Variants in LRRC69 observed in about 807,000 individuals in gnomAD.
The protein encoded by LRRC69 is leucine-rich repeat-containing protein 69.
LRRC69 carries 42 observed loss-of-function variants against 37.8 expected under a neutral mutation model. The ratio of observed to expected loss-of-function variants is 1.11; its 90% CI spans 0.87 to 1.44. LRRC69 has a LOEUF of 1.44. Ranked by LOEUF, LRRC69 falls within the 40% of genes most tolerant of loss-of-function variation. LRRC69 has a pLI of 0.00. For synonymous variants in LRRC69, 141 were observed against 143.1 expected (o/e 0.99, Z 0.11); for missense variants, 357 against 401.9 (o/e 0.89, Z 0.96).
chr8:91,103,874 T>G (rs1429251923), intron 1 of LRRC69, among the ~76,000 whole-genome samples: 1 of 152,012 alleles, frequency 6.6e-6, no homozygotes, highest in Non-Finnish European at 1.5e-5. Context: ...GACTGAGTCA[T>G]GAACCTATTC....
chr8:91,218,856 T>C, intron 7 of LRRC69, 34 bp from the exon 8 acceptor site: 1 of 1,333,234 alleles, frequency 7.5e-7, no homozygotes, highest in Non-Finnish European at 1.0e-6. Flanking sequence ...TATTGAACAC[T>C]GCCTAAATTT....
chr8:91,216,035 A>C (rs1276223634), intron 7 of LRRC69, among the ~76,000 whole-genome samples: 1 of 152,182 alleles, frequency 6.6e-6, no homozygotes, highest in Non-Finnish European at 1.5e-5. Flanking sequence ...AATTATGCTG[A>C]GTTGTTTTTC....
chr8:91,115,955 T>A (rs976866137), intron 1 of LRRC69, among the ~76,000 whole-genome samples: 1 of 152,020 alleles, frequency 6.6e-6, no homozygotes, highest in African/African-American at 2.4e-5. Context: ...AACATACATG[T>A]CTCTTCACCG....
At chr8:91,214,265 G>T (rs1809995802) in intron 7 of LRRC69, among the ~76,000 whole-genome samples, 1 of 152,166 alleles carries the variant, frequency 6.6e-6, no homozygotes, top group Non-Finnish European at 1.5e-5. Context: ...AAGGGAGCTG[G>T]TTTGGGAGGC....
At chr8:91,153,089 A>C (rs1808769813) in intron 5 of LRRC69, among the ~76,000 whole-genome samples, 1 of 151,446 alleles carries the variant, frequency 6.6e-6, no homozygotes, top group African/African-American at 2.4e-5. Flanking sequence ...AGTTTCTAAC[A>C]AACAGACTTT....
At chr8:91,137,559 C>T (rs375221106) in intron 5 of LRRC69, among the ~76,000 whole-genome samples, 12 of 152,008 alleles carry the variant, frequency 7.9e-5, no homozygotes, top group African/African-American at 2.2e-4. Flanking sequence ...GTTAATTGAC[C>T]GTTTCTTCTA....
At chr8:91,127,321 G>A (rs1014691850) in intron 3 of LRRC69, among the ~76,000 whole-genome samples, 161 bp downstream of exon 3, 17 of 151,908 alleles carry the variant, frequency 1.1e-4, no homozygotes, top group Admixed American at 1.1e-3. Context: ...TTAAGCAGAT[G>A]ATTCCTTAAA....
intron 5 of LRRC69, among the ~76,000 whole-genome samples, chr8:91,159,555 A>G (rs1397938830): frequency 6.6e-6 from 1 of 151,274 alleles, no homozygotes. Flanking sequence ...CTCTAGCTGA[A>G]AGAGCAAGAG....
chr8:91,158,731 A>G lies in LRRC69; in HGVS notation c.651+22992A>G, dbSNP rs190971280. The stretch of plus-strand genomic sequence containing the variant: ...GAAACCACTTACATTGTTCTACAAA[A>G]TGAAGACACCAAGTCTGGCTGAATG... On this transcript the variant is annotated intron_variant, in intron 5 of 7. Coordinates refer to ENST00000448384, the Ensembl canonical transcript of LRRC69. The G allele has an allele frequency of 1.0e-3, 1,014 of 981,284 alleles. 8 individuals are homozygous for G. The highest frequency in any genetic ancestry group is 1.2e-3 in the Non-Finnish European group (748 of 605,630). 60.8% of individuals were successfully genotyped at this position (981,284 alleles called of 1,614,324 possible). A position where few individuals can be genotyped will look rare whatever the true frequency, so the allele number is the denominator to read the frequency against.
At chr8:91,186,564 G>C (rs963051051) in intron 5 of LRRC69, among the ~76,000 whole-genome samples, 1 of 152,166 alleles carries the variant, frequency 6.6e-6, no homozygotes, top group Non-Finnish European at 1.5e-5. Flanking sequence ...GTCAGCCAAG[G>C]AGAGCCAAGT....
chr8:91,102,922 A>T, intron 1 of LRRC69, 78 bp downstream of exon 1: 3 of 1,331,076 alleles, frequency 2.3e-6, no homozygotes, highest in Non-Finnish European at 3.0e-6. Flanking sequence ...GGTAAGAGAC[A>T]GAACAATAAC....
chr8:91,150,101 G>A (rs1484800059), intron 5 of LRRC69, among the ~76,000 whole-genome samples: 1 of 151,850 alleles, frequency 6.6e-6, no homozygotes, highest in Admixed American at 6.6e-5. Context: ...GATTGCCCTG[G>A]CCAGAACTTC....
chr8:91,156,072 G>A (rs1808829680), intron 5 of LRRC69, among the ~76,000 whole-genome samples: 1 of 150,728 alleles, frequency 6.6e-6, no homozygotes, highest in South Asian at 2.1e-4. Flanking sequence ...AATAGTAGTG[G>A]TAGTGCTAGA....
intron 5 of LRRC69, among the ~76,000 whole-genome samples, chr8:91,174,935 G>A (rs1011943282): frequency 9.9e-5 from 15 of 152,054 alleles, no homozygotes; most frequent in Admixed American, 4.6e-4. Flanking sequence ...CTAAGGATTG[G>A]GAGTCTTAGA....
At chr8:91,102,966 C>A in intron 1 of LRRC69, 122 bp downstream of exon 1, 1 of 937,040 alleles carries the variant, frequency 1.1e-6, no homozygotes, top group Non-Finnish European at 1.5e-6. Flanking sequence ...TATCTGGAGA[C>A]TTAATGTGGA....
At chr8:91,209,930 T>C (rs576597924) in intron 7 of LRRC69, among the ~76,000 whole-genome samples, 8 of 152,228 alleles carry the variant, frequency 5.3e-5, no homozygotes, top group South Asian at 4.1e-4. Context: ...TCTTACTATA[T>C]GCAAGGTACT....
chr8:91,119,609 G>A (rs1276575072), intron 1 of LRRC69, among the ~76,000 whole-genome samples: 1 of 151,968 alleles, frequency 6.6e-6, no homozygotes, highest in East Asian at 1.9e-4. Context: ...TATCTTGGGA[G>A]CTAACTTGGA....
At chr8:91,175,588 CAA>C (rs1233407186) in intron 5 of LRRC69, among the ~76,000 whole-genome samples, 4 of 151,912 alleles carry the variant, frequency 2.6e-5, no homozygotes, top group Non-Finnish European at 5.9e-5. Context: ...TTCTTTGGCT[CAA>C]GAGTCAAGCT....
At chr8:91,170,531 A>G (rs1206826818) in intron 5 of LRRC69, among the ~76,000 whole-genome samples, 1 of 76,542 alleles carries the variant, frequency 1.3e-5, no homozygotes, top group African/African-American at 5.8e-5. Flanking sequence ...ACCAAACAGC[A>G]TGGTACTGGT....
Sources: allele counts gnomAD v4.1 joint callset (sites outside exome capture counted in the v4.1 genomes callset), GRCh38; gene constraint gnomAD v4.1.1; transcripts MANE v1.5; gene names NCBI Gene and HGNC (gene_info 2026-07-23, HGNC 2026-07-21).